UPF2: variants seen among roughly 807,000 people sequenced by gnomAD.
The protein encoded by UPF2 is UPF2 regulator of nonsense mediated mRNA decay, also known as regulator of nonsense transcripts 2.
A neutral mutation model predicts 141.4 loss-of-function variants in UPF2; 17 were observed. The ratio of observed to expected loss-of-function variants is 0.12; its 90% CI spans 0.08 to 0.18. The LOEUF (loss-of-function observed/expected upper bound fraction) is 0.18, where lower values mean the gene tolerates loss of function less well. UPF2 is among the 10% of genes least tolerant of loss of function. The probability of loss-of-function intolerance (pLI) is 1.00; values close to 1 mark genes in which losing one functional copy is unlikely to be tolerated. For missense variants in UPF2, 1,152 were observed against 1,515.9 expected, an observed-to-expected ratio of 0.76 and a Z score of 3.99; for synonymous variants, 540 against 498.0, an observed-to-expected ratio of 1.08 and a Z score of -1.12.
chr10:11,982,500 T>C (rs1452132721), intron 8 of UPF2, among the ~76,000 whole-genome samples: 1 of 152,208 alleles, frequency 6.6e-6, no homozygotes, highest in Non-Finnish European at 1.5e-5. Flanking sequence ...GGAATATGCT[T>C]TCCCTAAACA....
At chr10:11,955,541 AGAG>A in intron 13 of UPF2, 34 bp from the exon 14 acceptor site, 1 of 1,580,916 alleles carries the variant, frequency 6.3e-7, no homozygotes, top group Non-Finnish European at 8.6e-7. Flanking sequence ...TTTTCATTAA[AGAG>A]GAGTAGTGTA....
At chr10:11,978,950 C>A in intron 9 of UPF2, 107 bp downstream of exon 9, 1 of 889,234 alleles carries the variant, frequency 1.1e-6, no homozygotes, top group South Asian at 1.8e-5. Context: ...AACTGTTATA[C>A]CACTATCAAA....
intron 21 of UPF2, among the ~76,000 whole-genome samples, chr10:11,922,258 T>C (rs1450353170): frequency 6.6e-6 from 1 of 152,210 alleles, no homozygotes. Context: ...ATCTGTCGTT[T>C]AAGCTACTAG....
At chr10:11,934,652 T>C (rs545119053) in intron 19 of UPF2, among the ~76,000 whole-genome samples, 2 of 152,142 alleles carry the variant, frequency 1.3e-5, no homozygotes, top group Admixed American at 6.6e-5. Context: ...TACAATGGTG[T>C]GATCTTGGCT....
chr10:11,924,451 A>G (rs1476515663), intron 21 of UPF2, among the ~76,000 whole-genome samples: 1 of 152,130 alleles, frequency 6.6e-6, no homozygotes, highest in African/African-American at 2.4e-5. Flanking sequence ...GGTGGACTGC[A>G]TACCTGTAAT....
At position 11,927,073 on chromosome 10, in the gene UPF2, A is replaced by G. The variant is rs74519615; in HGVS notation, c.3809+2792T>C. 2.6e-4 allele frequency among the ~76,000 whole-genome samples: 40 copies of G among 152,264 alleles called. No homozygotes were observed. In the East Asian group the frequency reaches 7.1e-3, roughly 27 times the overall value. On this transcript the variant is annotated intron_variant, in intron 21 of 21. Transcript: ENST00000357604. ...AAGAGGGTGGAATTATCTTTCAAGT[A>G]CCCATACTCGGCTTCCCTACTGGAC...
At chr10:12,001,142 C>A (rs925669191) in intron 6 of UPF2, among the ~76,000 whole-genome samples, 1 of 152,084 alleles carries the variant, frequency 6.6e-6, no homozygotes, top group South Asian at 2.1e-4. Context: ...GGGCCGGGTG[C>A]GGTGGCTCAT....
At chr10:12,008,750 T>C (rs1044083214) in intron 4 of UPF2, among the ~76,000 whole-genome samples, 1 of 151,856 alleles carries the variant, frequency 6.6e-6, no homozygotes, top group South Asian at 2.1e-4. Context: ...TAGGTATACA[T>C]GTTCCATGGT....
chr10:11,997,814 G>C, intron 7 of UPF2, 57 bp from the exon 8 acceptor site: 1 of 1,452,456 alleles, frequency 6.9e-7, no homozygotes, highest in Non-Finnish European at 9.7e-7. Flanking sequence ...ACGGAGAGCA[G>C]AAATCCTGCC....
In UPF2 at chr10:11,921,921, G is replaced by C. The variant is rs76572950; in HGVS notation, c.3810-614C>G. Among the ~76,000 whole-genome samples the C allele has an allele frequency of 0.06, 9,151 of 152,220 alleles. 379 individuals are homozygous for C. The highest frequency in any genetic ancestry group is 0.092 in the Non-Finnish European group (6,260 of 68,010). ...AACTGCAGGACCTCAGAATGTGACC[G>C]TATTTGGAAACAAGGTTGCTGTAGA... On this transcript the variant is annotated intron_variant, in intron 21 of 21. Coordinates refer to ENST00000357604, the MANE Select transcript of UPF2 (RefSeq NM_015542.4). This position sits in a 1 kb window ranked among gnomAD's most constrained non-coding sequence, Gnocchi z 5.9.
At chr10:11,958,690 G>A (rs1174917838) in intron 12 of UPF2, among the ~76,000 whole-genome samples, 2 of 152,132 alleles carry the variant, frequency 1.3e-5, no homozygotes, top group Non-Finnish European at 2.9e-5. Context: ...TAATAGGTCA[G>A]TGATTCTTTA....
intron 4 of UPF2, among the ~76,000 whole-genome samples, chr10:12,011,583 A>T (rs1834128494): frequency 6.6e-6 from 1 of 152,166 alleles, no homozygotes; most frequent in South Asian, 2.1e-4. Context: ...CCTGTCTCCA[A>T]AAATAAAAAT....
chr10:11,996,126 T>C (rs1833860708), intron 8 of UPF2, among the ~76,000 whole-genome samples: 2 of 152,176 alleles, frequency 1.3e-5, no homozygotes, highest in African/African-American at 2.4e-5. Flanking sequence ...CCCTGTACTG[T>C]ATCTCCAGCA....
chr10:12,026,632 A>G (rs1480909437), intron 3 of UPF2: 10 of 452,778 alleles, frequency 2.2e-5, no homozygotes, highest in African/African-American at 4.1e-5. Context: ...ATGACCACTG[A>G]AAATTCCTAT....
intron 18 of UPF2, among the ~76,000 whole-genome samples, chr10:11,941,336 A>C (rs1260409782): frequency 1.3e-5 from 2 of 152,178 alleles, no homozygotes; most frequent in African/African-American, 4.8e-5. Context: ...TTGCGCTCCT[A>C]AATAACATAA....
In UPF2 at chr10:12,004,645, A is replaced by G. The variant is rs1834005895; in HGVS notation, c.1389T>C (p.Asp463=). The G allele has an allele frequency of 1.2e-6, 2 of 1,613,886 alleles. No individual in the cohort carries two copies. Among genetic ancestry groups the G allele is most frequent in the South Asian group, 1.1e-5 (1 of 91,072 alleles). The change falls in exon 5 of 22, where the codon GAT becomes GAC. Residue 463 remains aspartate, a synonymous_variant. Transcript: ENST00000357604. ...TGAGGTTCTCATAAAAATTCCGAGC[A>G]TCTTCATCTTCCCATATACCACCTT... is the stretch of plus-strand genomic sequence containing the variant. The part of the protein sequence containing the change: ...DLEGGIWEDE[D]ARNFYENLID...
intron 10 of UPF2, among the ~76,000 whole-genome samples, 189 bp downstream of exon 10, chr10:11,967,152 A>G (rs1162564781): frequency 6.6e-6 from 1 of 152,226 alleles, no homozygotes; most frequent in Non-Finnish European, 1.5e-5. Context: ...AATTACTCGT[A>G]GAACTGCATA....
chr10:12,031,204 C>T (rs2131310463), intron 2 of UPF2, among the ~76,000 whole-genome samples: 1 of 149,108 alleles, frequency 6.7e-6, no homozygotes, highest in South Asian at 2.1e-4. Flanking sequence ...AACAGTTTTG[C>T]AATGTTAGAT....
At chr10:11,999,457 G>A (rs1374883473) in intron 7 of UPF2, among the ~76,000 whole-genome samples, 1 of 143,956 alleles carries the variant, frequency 6.9e-6, no homozygotes, top group Non-Finnish European at 1.5e-5. Flanking sequence ...AGGTTGCAGT[G>A]AGCCAGGATC....
Sources: gnomAD v4.1 joint callset for allele counts (sites outside exome capture counted in the v4.1 genomes callset) on GRCh38, gnomAD v4.1.1 for gene constraint, Gnocchi (gnomAD v3.1) non-coding constraint, MANE v1.5 for transcripts, NCBI Gene and HGNC (gene_info 2026-07-23, HGNC 2026-07-21) for gene names.